The following TENM2 variants were observed in gnomAD, a reference collection of about 807,000 sequenced individuals.
TENM2 encodes teneurin transmembrane protein 2, also known as teneurin-2.
TENM2 carries 52 observed loss-of-function variants against 245.2 expected under a neutral mutation model. The observed-to-expected ratio is 0.21, with a 90% CI of 0.17 to 0.27. The LOEUF (loss-of-function observed/expected upper bound fraction) is 0.27, where lower values mean the gene tolerates loss of function less well. Among genes scored for constraint, TENM2 ranks in the 10% least tolerant of loss-of-function variants. The pLI is 1.00. For missense variants in TENM2, 3,046 were observed against 3,666.8 expected (o/e 0.83, Z 4.37); for synonymous variants, 1,363 against 1,438.9 (o/e 0.95, Z 1.19).
chr5:167,539,663 A>G (rs1253950170), intron 2 of TENM2, among the ~76,000 whole-genome samples: 1 of 152,224 alleles, frequency 6.6e-6, no homozygotes, highest in Non-Finnish European at 1.5e-5. Context: ...GATTTATGAA[A>G]TATGACATCT....
At chr5:168,112,214 A>T (rs1209124574) in intron 9 of TENM2, among the ~76,000 whole-genome samples, 1 of 152,008 alleles carries the variant, frequency 6.6e-6, no homozygotes, top group Non-Finnish European at 1.5e-5. Flanking sequence ...TAGGTCATTA[A>T]TCTGTATGGA....
At chr5:167,341,969 A>G (rs988920589) in intron 1 of TENM2, among the ~76,000 whole-genome samples, 1 of 152,192 alleles carries the variant, frequency 6.6e-6, no homozygotes, top group Non-Finnish European at 1.5e-5. Flanking sequence ...ATTTTAGAGC[A>G]CATTTAAATT....
chr5:167,542,905 C>T (rs918846787), intron 2 of TENM2, among the ~76,000 whole-genome samples: 39 of 152,230 alleles, frequency 2.6e-4, no homozygotes, highest in African/African-American at 9.1e-4. Context: ...GTCAACTGAG[C>T]AATTCTTCTG....
rs1191717159 is a variant in TENM2, at chr5:167,321,782, C to CTT, written c.226+36720_226+36721dup. 5.0e-5 allele frequency among the ~76,000 whole-genome samples: 3 copies of CTT among 59,738 alleles called. 1 individual carries two copies. The highest frequency in any genetic ancestry group is 9.3e-5 in the Non-Finnish European group (3 of 32,430). The allele number at this position is 59,738 out of a possible 152,430, so 39.2% of individuals were successfully genotyped here. A position where few individuals can be genotyped will look rare whatever the true frequency, so the allele number is the denominator to read the frequency against. On this transcript the variant is annotated intron_variant, in intron 1 of 28. Transcript: ENST00000518659. Reference sequence around the variant, plus strand: ...TGAATCTGTTGTCTTGCTGCCTTGGCTTATTTTTTTTTTTTTTTTGGGGGG... The same window carrying CTT: ...TGAATCTGTTGTCTTGCTGCCTTGGCTTTTATTTTTTTTTTTTTTTTGGGGGG...
At chr5:167,170,873 T>C in the TENM2 span, among the ~76,000 whole-genome samples, 2 of 143,290 alleles carry the variant, frequency 1.4e-5, no homozygotes, top group African/African-American at 6.0e-5. Context: ...CTCCTAAAAC[T>C]CTTTTTCCAT....
At chr5:167,555,741 G>C (rs77278414) in intron 2 of TENM2, among the ~76,000 whole-genome samples, 1 of 152,004 alleles carries the variant, frequency 6.6e-6, no homozygotes, top group Non-Finnish European at 1.5e-5. Context: ...TGTAACTCTC[G>C]GAATCAGTAA....
intron 2 of TENM2, among the ~76,000 whole-genome samples, chr5:167,809,142 G>A (rs1210882549): frequency 6.6e-6 from 1 of 152,104 alleles, no homozygotes; most frequent in Non-Finnish European, 1.5e-5. Context: ...TCAGTGATGG[G>A]GGACAGAAAA....
chr5:167,392,354 G>A (rs959307401), intron 2 of TENM2, among the ~76,000 whole-genome samples: 7 of 152,152 alleles, frequency 4.6e-5, no homozygotes, highest in African/African-American at 1.4e-4. Context: ...TGCTAGAAGA[G>A]ATTAGCTTTT....
the TENM2 span, among the ~76,000 whole-genome samples, chr5:167,033,048 G>T: frequency 1.2e-4 from 19 of 152,268 alleles, no homozygotes; most frequent in African/African-American, 4.3e-4. Context: ...GAAAACGTCA[G>T]TGAGAGACAG....
chr5:167,186,124 A>T, the TENM2 span, among the ~76,000 whole-genome samples: 1 of 152,306 alleles, frequency 6.6e-6, no homozygotes. Flanking sequence ...TATGAGTACA[A>T]GTTCAATCAA....
intron 2 of TENM2, among the ~76,000 whole-genome samples, chr5:167,471,032 T>C (rs1167061893): frequency 6.6e-6 from 1 of 152,210 alleles, no homozygotes; most frequent in African/African-American, 2.4e-5. Context: ...TTTTCTCATC[T>C]GTCAAATAAT....
chr5:167,989,298 G>GAGAGAGAT (rs772430462), intron 4 of TENM2, among the ~76,000 whole-genome samples: 129 of 147,644 alleles, frequency 8.7e-4, no homozygotes, highest in African/African-American at 3.0e-3. Flanking sequence ...GAGAGAGAGA[G>GAGAGAGAT]AGATAGATAG....
At chr5:167,013,903 TA>T in the TENM2 span, among the ~76,000 whole-genome samples, 1 of 152,166 alleles carries the variant, frequency 6.6e-6, no homozygotes, top group African/African-American at 2.4e-5. Flanking sequence ...ATTATATTGG[TA>T]AGGGAATGTC....
chr5:167,843,555 T>C (rs944077269), intron 2 of TENM2, among the ~76,000 whole-genome samples: 1 of 152,158 alleles, frequency 6.6e-6, no homozygotes, highest in East Asian at 1.9e-4. Context: ...TCTTAATATT[T>C]GTAGGGTTGG....
intron 23 of TENM2, among the ~76,000 whole-genome samples, chr5:168,223,765 G>A (rs893819506): frequency 2.0e-5 from 3 of 151,976 alleles, no homozygotes; most frequent in Non-Finnish European, 4.4e-5. Flanking sequence ...CACCATGCCC[G>A]GCTGATTACA....
intron 5 of TENM2, among the ~76,000 whole-genome samples, chr5:168,030,817 C>T (rs1023067160): frequency 2.6e-5 from 4 of 152,130 alleles, no homozygotes; most frequent in African/African-American, 9.7e-5. Flanking sequence ...CTATTGCCAT[C>T]TAATGTGTTT....
chr5:167,974,026 A>AAGGAAGGAAG lies in TENM2; in HGVS notation c.948-18918_948-18917insAGGAAGGAAG, dbSNP rs1332377303. On this transcript the variant is annotated intron_variant, in intron 4 of 28. Coordinates refer to ENST00000518659, the Ensembl canonical transcript of TENM2. ...AAGGGAGGGAGGGAGGGAGGGAGGA[A>AAGGAAGGAAG]GGAAGGAAGGAGAAGGAAGGAAGGG... Among the ~76,000 whole-genome samples, 38 of 37,228 alleles carry AAGGAAGGAAG rather than the reference A, an allele frequency of 1.0e-3. 4 individuals carry two copies. Among genetic ancestry groups the AAGGAAGGAAG allele is most frequent in the Admixed American group, 4.8e-3 (12 of 2,526 alleles). The allele number at this position is 37,228 out of a possible 152,430, so 24.4% of individuals were successfully genotyped here.
At chr5:167,473,639 CGTAGAAGT>C (rs1767178382) in intron 2 of TENM2, among the ~76,000 whole-genome samples, 1 of 152,080 alleles carries the variant, frequency 6.6e-6, no homozygotes, top group African/African-American at 2.4e-5. Flanking sequence ...TTGAGCAGAT[CGTAGAAGT>C]GTTATTGTAG....
intron 2 of TENM2, among the ~76,000 whole-genome samples, chr5:167,627,433 T>C (rs1778580442): frequency 6.6e-6 from 1 of 152,134 alleles, no homozygotes; most frequent in East Asian, 1.9e-4. Flanking sequence ...AGATGATAAT[T>C]CTGACAACCA....
Sources: allele counts gnomAD v4.1 joint callset (sites outside exome capture counted in the v4.1 genomes callset), GRCh38; gene constraint gnomAD v4.1.1; transcripts MANE v1.5; gene names NCBI Gene and HGNC (gene_info 2026-07-23, HGNC 2026-07-21).